Variants in SIPA1L1 observed in about 807,000 individuals in gnomAD.
The protein encoded by SIPA1L1 is signal-induced proliferation-associated 1-like protein 1.
A neutral mutation model predicts 162.7 loss-of-function variants in SIPA1L1; 26 were observed. The ratio of observed to expected loss-of-function variants is 0.16; its 90% CI spans 0.12 to 0.22. The LOEUF (loss-of-function observed/expected upper bound fraction) is 0.22, where lower values mean the gene tolerates loss of function less well. SIPA1L1 is among the 10% of genes least tolerant of loss of function. The pLI is 1.00. For synonymous variants in SIPA1L1, 829 were observed against 837.4 expected, an observed-to-expected ratio of 0.99 and a Z score of 0.17; for missense variants, 1,874 against 2,241.0, an observed-to-expected ratio of 0.84 and a Z score of 3.31.
chr14:71,342,185 G>A (rs531789847), intron 2 of SIPA1L1, among the ~76,000 whole-genome samples: 1 of 152,002 alleles, frequency 6.6e-6, no homozygotes, highest in Admixed American at 6.5e-5. Context: ...TATATTTTTT[G>A]TAGAGATGGG....
chr14:71,636,344 A>G (rs1176827569), intron 7 of SIPA1L1, among the ~76,000 whole-genome samples: 1 of 152,270 alleles, frequency 6.6e-6, no homozygotes, highest in East Asian at 1.9e-4. Flanking sequence ...AACAAAAAGT[A>G]TATTTTCTAA....
chr14:71,352,371 A>G (rs1011292616), intron 2 of SIPA1L1, among the ~76,000 whole-genome samples: 2 of 152,196 alleles, frequency 1.3e-5, no homozygotes, highest in Non-Finnish European at 2.9e-5. Context: ...ATTAAGAAAC[A>G]GAATTTTAAC....
At chr14:71,615,966 A>T (rs1262911061) in intron 5 of SIPA1L1, among the ~76,000 whole-genome samples, 1 of 152,246 alleles carries the variant, frequency 6.6e-6, no homozygotes, top group Non-Finnish European at 1.5e-5. Flanking sequence ...ACTGCACTCC[A>T]GTGTAGGTGA....
chr14:71,637,427 G>A (rs2041271911), intron 7 of SIPA1L1, among the ~76,000 whole-genome samples: 2 of 152,036 alleles, frequency 1.3e-5, no homozygotes, highest in Admixed American at 1.3e-4. Flanking sequence ...TACTATGTCT[G>A]ATTTATAAAT....
chr14:71,596,730 T>G lies in SIPA1L1; in HGVS notation c.1498+7360T>G, dbSNP rs72729954. Among the ~76,000 whole-genome samples the G allele has an allele frequency of 9.6e-3, 1,463 of 152,234 alleles. 17 individuals are homozygous for G. The highest frequency in any genetic ancestry group is 0.015 in the Non-Finnish European group (1,048 of 68,002). On this transcript the variant is annotated intron_variant, in intron 5 of 23. Coordinates refer to ENST00000381232, the MANE Select transcript of SIPA1L1 (RefSeq NM_001386936.1). ...TGAATGGGAAGCTATTAAACAGACG[T>G]TTTTTAAAAAGTCTTCTACAATCTC...
At chr14:71,704,310 ACTCAGTTTATAAGAACAGCATT>A (rs1566693518) in intron 15 of SIPA1L1, among the ~76,000 whole-genome samples, 1 of 152,102 alleles carries the variant, frequency 6.6e-6, no homozygotes. Context: ...ACCATTCTCT[ACTCAGTTTATAAGAACAGCATT>A]CTCTAATGAC....
At chr14:71,542,343 CCTT>C (rs1472760094) in intron 4 of SIPA1L1, among the ~76,000 whole-genome samples, 2 of 143,062 alleles carry the variant, frequency 1.4e-5, no homozygotes, top group African/African-American at 2.6e-5. Context: ...TCCTCCTCCT[CCTT>C]CTTTCCTCTT....
At chr14:71,382,608 A>C (rs1004353885) in intron 2 of SIPA1L1, among the ~76,000 whole-genome samples, 1 of 152,230 alleles carries the variant, frequency 6.6e-6, no homozygotes, top group Non-Finnish European at 1.5e-5. Flanking sequence ...GGAGTCACTA[A>C]GGACTGAGCT....
chr14:71,355,910 A>T (rs1025145530), intron 2 of SIPA1L1, among the ~76,000 whole-genome samples: 4 of 152,214 alleles, frequency 2.6e-5, no homozygotes, highest in African/African-American at 9.6e-5. Context: ...ACTAAGAGTT[A>T]TTCTAGTAGT....
At chr14:71,594,789 A>T (rs189701116) in intron 5 of SIPA1L1, among the ~76,000 whole-genome samples, 3 of 152,326 alleles carry the variant, frequency 2.0e-5, no homozygotes, top group African/African-American at 7.2e-5. Flanking sequence ...TAATCTATGT[A>T]ATTCATTCGA....
intron 2 of SIPA1L1, among the ~76,000 whole-genome samples, chr14:71,407,633 A>G (rs1049313319): frequency 1.3e-5 from 2 of 152,170 alleles, no homozygotes; most frequent in Non-Finnish European, 2.9e-5. Flanking sequence ...CAGCCTCCCA[A>G]GTAGCTGGGA....
intron 16 of SIPA1L1, among the ~76,000 whole-genome samples, chr14:71,708,724 T>C (rs979425669): frequency 2.6e-5 from 4 of 152,234 alleles, no homozygotes; most frequent in African/African-American, 9.6e-5. Context: ...TACCTCTGTA[T>C]AAATTTCACC....
Position 71,650,388 on chromosome 14 carries a change from T to A in SIPA1L1, c.1872T>A (p.Thr624=). The A allele has an allele frequency of 6.2e-7, 1 of 1,614,202 alleles. No homozygotes were observed. The highest frequency in any genetic ancestry group is 8.5e-7 in the Non-Finnish European group (1 of 1,180,020). ...GIMYCKAGQS[T]EEEMYNNESA... ...TGTACTGCAAAGCTGGACAGAGCAC[T>A]GAAGAAGAGATGTACAACAATGAGT... is the stretch of plus-strand genomic sequence containing the variant. Residue 624 remains threonine (T), a synonymous_variant, in exon 8 of 24, where the codon ACT becomes ACA. Coordinates refer to ENST00000381232, the MANE Select transcript of SIPA1L1 (RefSeq NM_001386936.1).
intron 16 of SIPA1L1, among the ~76,000 whole-genome samples, chr14:71,708,428 G>A (rs774637596): frequency 4.0e-5 from 6 of 151,312 alleles, no homozygotes; most frequent in African/African-American, 7.3e-5. Flanking sequence ...GGGCTCAAGC[G>A]ATCCTCCCAC....
rs751907979 is a variant in SIPA1L1 at position 71,661,412 on chromosome 14, C to A, written c.2200C>A (p.His734Asn). 6.2e-7 allele frequency: 1 copy of A among 1,613,888 alleles called. No individual in the cohort carries two copies. Among genetic ancestry groups the A allele is most frequent in the African/African-American group, 1.3e-5 (1 of 74,886 alleles). Residue 734 changes from histidine to asparagine, a missense_variant, in exon 10 of 24, where the codon CAC becomes AAC. This residue lies in a region of SIPA1L1 where 243 missense variants were observed against 315.0 expected (regional missense o/e 0.77). Coordinates refer to ENST00000381232, the MANE Select transcript of SIPA1L1 (RefSeq NM_001386936.1). ...AAAAAACATCCGATCCCACTTCCAGCACGTTTTCGTCATCGTCAGGGTGCA... is the reference window on the plus strand; with the variant it reads ...AAAAAACATCCGATCCCACTTCCAGAACGTTTTCGTCATCGTCAGGGTGCA... ...SPKNIRSHFQ[H>N]VFVIVRVHNP... is the part of the protein sequence containing the mutation.
rs944837853 is a variant in SIPA1L1 at position 71,377,551 on chromosome 14, C to A, written c.-465+56370C>A. Among the ~76,000 whole-genome samples the A allele has an allele frequency of 2.0e-5, 3 of 152,006 alleles. No individual in the cohort carries two copies. Among genetic ancestry groups the A allele is most frequent in the African/African-American group, 7.2e-5 (3 of 41,382 alleles). The stretch of plus-strand genomic sequence containing the variant: ...CAGACCATGGGCAGCCAGGCAGAGA[C>A]GCTCCTCACTTCCTACACGGGGTGG... On this transcript the variant is annotated intron_variant, in intron 2 of 23. Transcript: ENST00000381232. The surrounding 1 kb of genome is among the most constrained non-coding windows in gnomAD (Gnocchi z 4.8).
Position 71,671,670 on chromosome 14 carries a change from A to G in SIPA1L1, c.2807A>G (p.Lys936Arg). 6.2e-7 allele frequency: 1 copy of G among 1,602,078 alleles called. No individual in the cohort carries two copies. The highest frequency in any genetic ancestry group is 8.5e-7 in the Non-Finnish European group (1 of 1,175,036). The stretch of plus-strand genomic sequence containing the variant: ...AGTTTTATTAACATTGAGGAGATCA[A>G]AGAGATTGTCAAAAGGTTGCAGGTG... ...VGSFINIEEI[K>R]EIVKRLQFVS... The change falls in exon 11 of 24, where the codon AAA (lysine) becomes AGA (arginine). Residue 936 changes from lysine (K) to arginine (R), a missense_variant. Around this residue, in one of 5 missense-constraint regions of SIPA1L1, gnomAD observed 243 missense variants for 315.0 expected, o/e 0.77. Transcript: ENST00000381232.
intron 7 of SIPA1L1, among the ~76,000 whole-genome samples, chr14:71,642,966 C>CA (rs546178056): frequency 0.017 from 1,720 of 103,330 alleles, 23 homozygotes; most frequent in Admixed American, 0.044. Flanking sequence ...AAACAATTGC[C>CA]AAAAAAAAAA....
In SIPA1L1 at chr14:71,330,371, T is replaced by C. The variant is rs1285101219; in HGVS notation, c.-465+9190T>C. 5.3e-6 allele frequency: 5 copies of C among 950,824 alleles called. No individual in the cohort carries two copies. The African/African-American group carries it at 6.4e-5, about 12-fold the overall frequency. 58.9% of individuals were successfully genotyped at this position (950,824 alleles called of 1,614,324 possible). On this transcript the variant is annotated intron_variant, in intron 2 of 23. Coordinates refer to ENST00000381232, the MANE Select transcript of SIPA1L1 (RefSeq NM_001386936.1). ...GTCCTCTCTTTTTGGCGATGAAAATTGTAGGGAAAGAAGCGGACATGCATG... is the reference window on the plus strand; with the variant it reads ...GTCCTCTCTTTTTGGCGATGAAAATCGTAGGGAAAGAAGCGGACATGCATG...
Sources: allele counts gnomAD v4.1 joint callset (sites outside exome capture counted in the v4.1 genomes callset), GRCh38; gene constraint gnomAD v4.1.1; regional missense constraint gnomAD v4.1.1; non-coding constraint Gnocchi (gnomAD v3.1); transcripts MANE v1.5; gene names NCBI Gene and HGNC (gene_info 2026-07-23, HGNC 2026-07-21).